The following CAP2 variants were observed in gnomAD, a reference collection of about 807,000 sequenced individuals.
CAP2 encodes the protein cyclase associated actin cytoskeleton regulatory protein 2, also known as adenylyl cyclase-associated protein 2.
CAP2 carries 24 observed loss-of-function variants against 57.7 expected under a neutral mutation model. The observed-to-expected ratio is 0.42, with a 90% CI of 0.30 to 0.58. CAP2 has a LOEUF of 0.58. Ranked by LOEUF, CAP2 falls within the 20% of genes least tolerant of loss-of-function variation. The probability of loss-of-function intolerance (pLI) is 0.22; values close to 1 mark genes in which losing one functional copy is unlikely to be tolerated. For synonymous variants in CAP2, 194 were observed against 207.2 expected, an observed-to-expected ratio of 0.94 and a Z score of 0.55; for missense variants, 501 against 590.3, an observed-to-expected ratio of 0.85 and a Z score of 1.57.
At chr6:17,515,439 G>C (rs1408421579) in intron 7 of CAP2, among the ~76,000 whole-genome samples, 1 of 152,092 alleles carries the variant, frequency 6.6e-6, no homozygotes, top group Non-Finnish European at 1.5e-5. Flanking sequence ...GGGAAAAACA[G>C]ACACTGAGGA....
At chr6:17,479,236 C>G (rs1422214803) in intron 4 of CAP2, among the ~76,000 whole-genome samples, 1 of 152,128 alleles carries the variant, frequency 6.6e-6, no homozygotes, top group African/African-American at 2.4e-5. Flanking sequence ...CACGTCTGTA[C>G]CACACACACC....
intron 3 of CAP2, among the ~76,000 whole-genome samples, chr6:17,441,818 G>C (rs1760083137): frequency 6.6e-6 from 1 of 152,066 alleles, no homozygotes; most frequent in South Asian, 2.1e-4. Context: ...TAGATTCATA[G>C]TTAAACTACG....
intron 7 of CAP2, among the ~76,000 whole-genome samples, chr6:17,527,685 T>C (rs1181737174): frequency 1.4e-5 from 2 of 147,934 alleles, no homozygotes; most frequent in Non-Finnish European, 3.0e-5. Context: ...CAGTCTCGCC[T>C]CCCGGGATCA....
chr6:17,487,946 TTTTGTTTG>T (rs904377080), intron 4 of CAP2, among the ~76,000 whole-genome samples: 2 of 150,520 alleles, frequency 1.3e-5, no homozygotes, highest in South Asian at 2.1e-4. Flanking sequence ...GCCTAGCTAG[TTTTGTTTG>T]TTTGTTTGTT....
chr6:17,525,468 C>CAAA (rs35979749), intron 7 of CAP2, among the ~76,000 whole-genome samples: 2 of 139,212 alleles, frequency 1.4e-5, no homozygotes, highest in African/African-American at 5.2e-5. Context: ...GATTCCATCT[C>CAAA]AAAAAAAAAA....
rs111884282 is a variant in CAP2 at position 17,512,369 on chromosome 6, C to T, written c.531-1480C>T. On this transcript the variant is annotated intron_variant, in intron 6 of 12. Coordinates refer to ENST00000229922, the MANE Select transcript of CAP2 (RefSeq NM_006366.3). ...TATGATCTCACCATTGCACTCCAGCCTGGGTGACAGAGCAAGACCCTGTCT... is the reference window on the plus strand; with the variant it reads ...TATGATCTCACCATTGCACTCCAGCTTGGGTGACAGAGCAAGACCCTGTCT... 8.5e-4 allele frequency among the ~76,000 whole-genome samples: 129 copies of T among 151,788 alleles called. 1 individual carries two copies. Among genetic ancestry groups the T allele is most frequent in the Middle Eastern group, 3.4e-3 (1 of 294 alleles).
chr6:17,462,634 A>G (rs189112473), intron 3 of CAP2, among the ~76,000 whole-genome samples: 2 of 152,278 alleles, frequency 1.3e-5, no homozygotes, highest in South Asian at 2.1e-4. Flanking sequence ...GACATTTTAT[A>G]TAAATGGGAT....
chr6:17,440,134 G>C (rs773244558), intron 3 of CAP2, among the ~76,000 whole-genome samples: 2 of 151,644 alleles, frequency 1.3e-5, no homozygotes, highest in East Asian at 3.9e-4. Context: ...GTGATGTTGA[G>C]TCTTCCTCTC....
intron 3 of CAP2, among the ~76,000 whole-genome samples, chr6:17,438,445 T>TTTTG (rs1487158758): frequency 5.4e-5 from 7 of 128,712 alleles, no homozygotes; most frequent in African/African-American, 1.4e-4. Context: ...TTTTTTTTTT[T>TTTTG]TTTTTTTTTT....
At chr6:17,471,192 A>G (rs1761008962) in intron 4 of CAP2, among the ~76,000 whole-genome samples, 1 of 152,206 alleles carries the variant, frequency 6.6e-6, no homozygotes, top group Admixed American at 6.5e-5. Flanking sequence ...CAAACTCCCA[A>G]GTGTTTCTTA....
intron 7 of CAP2, among the ~76,000 whole-genome samples, chr6:17,532,855 G>A (rs1762680132): frequency 6.6e-6 from 1 of 151,558 alleles, no homozygotes; most frequent in African/African-American, 2.4e-5. Context: ...CCTGAGGTCG[G>A]GAGTTCAAGA....
chr6:17,433,989 C>A (rs1303087051), intron 3 of CAP2, among the ~76,000 whole-genome samples: 2 of 152,054 alleles, frequency 1.3e-5, no homozygotes, highest in African/African-American at 4.8e-5. Flanking sequence ...TTCGAAGGGC[C>A]ACCAGGCCTG....
At chr6:17,423,121 T>C (rs900376188) in intron 2 of CAP2, among the ~76,000 whole-genome samples, 1 of 152,164 alleles carries the variant, frequency 6.6e-6, no homozygotes, top group African/African-American at 2.4e-5. Flanking sequence ...AGAAAAGCCG[T>C]GGGGAAGAAG....
At chr6:17,480,085 A>G (rs1761251172) in intron 4 of CAP2, among the ~76,000 whole-genome samples, 1 of 152,080 alleles carries the variant, frequency 6.6e-6, no homozygotes, top group South Asian at 2.1e-4. Flanking sequence ...CATTCTTATC[A>G]TCGTAACTGT....
intron 4 of CAP2, among the ~76,000 whole-genome samples, chr6:17,480,860 C>A (rs566600370): frequency 6.6e-6 from 1 of 150,994 alleles, no homozygotes; most frequent in South Asian, 2.1e-4. Context: ...CTGCAACCTC[C>A]GCCTCCTGAT....
chr6:17,409,700 C>T (rs1045402931), intron 1 of CAP2, among the ~76,000 whole-genome samples: 1 of 152,118 alleles, frequency 6.6e-6, no homozygotes, highest in Non-Finnish European at 1.5e-5. Flanking sequence ...GTAGGCACTT[C>T]AAATGCAGAT....
chr6:17,545,762 G>A (rs540705041), intron 11 of CAP2, among the ~76,000 whole-genome samples: 1 of 151,778 alleles, frequency 6.6e-6, no homozygotes, highest in East Asian at 1.9e-4. Flanking sequence ...TGTTCTCATT[G>A]TTCAATACCT....
intron 1 of CAP2, among the ~76,000 whole-genome samples, chr6:17,397,819 T>C (rs550723858): frequency 6.6e-6 from 1 of 152,202 alleles, no homozygotes; most frequent in East Asian, 1.9e-4. Flanking sequence ...TTGGTTCCCA[T>C]GTTTTGCTAT....
intron 11 of CAP2, among the ~76,000 whole-genome samples, chr6:17,549,246 C>T (rs1763118465): frequency 6.6e-6 from 1 of 152,144 alleles, no homozygotes; most frequent in Non-Finnish European, 1.5e-5. Flanking sequence ...GGTGGATCAC[C>T]TGAAGTCGGG....
Sources: gnomAD v4.1 joint callset for allele counts (sites outside exome capture counted in the v4.1 genomes callset) on GRCh38, gnomAD v4.1.1 for gene constraint, MANE v1.5 for transcripts, NCBI Gene and HGNC (gene_info 2026-07-23, HGNC 2026-07-21) for gene names.